The following SEMA3C variants were observed in gnomAD, a reference collection of about 807,000 sequenced individuals.
SEMA3C encodes the protein semaphorin-3C.
Under a neutral mutation model 89.4 loss-of-function variants are expected in SEMA3C, and 47 were observed. The observed-to-expected ratio is 0.53, with a 90% confidence interval of 0.42 to 0.67. The LOEUF (loss-of-function observed/expected upper bound fraction) is 0.67. SEMA3C is among the 30% of genes least tolerant of loss of function. The pLI is 0.00. For synonymous variants in SEMA3C, 310 were observed against 320.2 expected (o/e 0.97, Z 0.34); for missense variants, 839 against 929.1 (o/e 0.90, Z 1.26).
chr7:80,779,775 A>G (rs1788650997), intron 12 of SEMA3C, among the ~76,000 whole-genome samples: 1 of 152,106 alleles, frequency 6.6e-6, no homozygotes, highest in Non-Finnish European at 1.5e-5. Context: ...TATAAAAGTG[A>G]TGGTATGTCA....
At position 80,800,753 on chromosome 7, in the gene SEMA3C, T is replaced by C. The variant is rs185284867; in HGVS notation, c.986+4A>G. The C allele has an allele frequency of 1.5e-5, 23 of 1,510,526 alleles. 1 individual carries two copies. In the Admixed American group the frequency reaches 4.6e-4, roughly 30 times the overall value. The allele number at this position is 1,510,526 out of a possible 1,614,324, so 93.6% of individuals were successfully genotyped here. ...CTCATAAAATGTAACTGTTGAATAA[T>C]TACCTTGATGTTGTAAAAATGCCAT... On this transcript the variant is annotated splice_donor_region_variant and intron_variant, in intron 10 of 17. Coordinates refer to ENST00000265361, the MANE Select transcript of SEMA3C (RefSeq NM_006379.5).
chr7:80,760,015 A>G (rs551660751), intron 14 of SEMA3C, among the ~76,000 whole-genome samples: 4 of 152,332 alleles, frequency 2.6e-5, no homozygotes, highest in Non-Finnish European at 5.9e-5. Flanking sequence ...TACATGGAGT[A>G]AAAGAACAAA....
chr7:80,870,396 A>C (rs1049987704), intron 2 of SEMA3C, among the ~76,000 whole-genome samples: 3 of 152,320 alleles, frequency 2.0e-5, no homozygotes, highest in Admixed American at 6.5e-5. Context: ...CTTTTATCTA[A>C]AGCAAGATTT....
intron 2 of SEMA3C, among the ~76,000 whole-genome samples, chr7:80,874,122 T>C (rs1466542021): frequency 6.6e-6 from 1 of 152,206 alleles, no homozygotes; most frequent in African/African-American, 2.4e-5. Context: ...ATCAATGGTT[T>C]TGGAGCTTTT....
chr7:80,878,543 T>C (rs1205347947), intron 2 of SEMA3C, among the ~76,000 whole-genome samples: 3 of 152,160 alleles, frequency 2.0e-5, no homozygotes, highest in Non-Finnish European at 4.4e-5. Context: ...GGCACTGGGA[T>C]ACAGGACTGT....
chr7:80,807,093 T>C (rs528767119), intron 6 of SEMA3C, among the ~76,000 whole-genome samples: 2 of 152,278 alleles, frequency 1.3e-5, no homozygotes, highest in East Asian at 1.9e-4. Flanking sequence ...TTTACCATTT[T>C]AGCTTCTTTA....
intron 2 of SEMA3C, among the ~76,000 whole-genome samples, chr7:80,833,554 C>A (rs978761916): frequency 6.6e-6 from 1 of 152,040 alleles, no homozygotes; most frequent in Non-Finnish European, 1.5e-5. Flanking sequence ...CAACTTAAGA[C>A]CTTTCTGGTC....
In SEMA3C at chr7:80,810,711, A is replaced by G. The variant is rs887780432; in HGVS notation, c.448-10T>C. The G allele has an allele frequency of 6.2e-7, 1 of 1,602,694 alleles. No individual in the cohort carries two copies. The highest frequency in any genetic ancestry group is 8.5e-7 in the Non-Finnish European group (1 of 1,170,528). ...TCATGAAAACTTGGTCCTTTATTGT[A>G]GATAAAATTTAAAATGTGGCAATGA... On this transcript the variant is annotated splice_polypyrimidine_tract_variant and intron_variant, in intron 5 of 17. Transcript: ENST00000265361.
At chr7:80,882,619 G>A (rs539350885) in intron 2 of SEMA3C, among the ~76,000 whole-genome samples, 16 of 152,094 alleles carry the variant, frequency 1.1e-4, no homozygotes, top group African/African-American at 3.9e-4. Flanking sequence ...CTAGGGGCCA[G>A]ATGAGCACTG....
intron 2 of SEMA3C, among the ~76,000 whole-genome samples, chr7:80,838,873 T>C (rs1045186833): frequency 2.0e-5 from 3 of 152,142 alleles, no homozygotes; most frequent in Admixed American, 2.0e-4. Flanking sequence ...CCTTGACACG[T>C]GATGATTACA....
intron 2 of SEMA3C, among the ~76,000 whole-genome samples, chr7:80,860,322 A>G (rs1790741971): frequency 6.6e-6 from 1 of 152,072 alleles, no homozygotes; most frequent in African/African-American, 2.4e-5. Context: ...CTATTTTTGA[A>G]TTTCTGCCTT....
intron 2 of SEMA3C, among the ~76,000 whole-genome samples, chr7:80,879,093 C>T (rs981822988): frequency 6.6e-6 from 1 of 151,588 alleles, no homozygotes; most frequent in Non-Finnish European, 1.5e-5. Context: ...GGCCTGGAAA[C>T]CAATGAAGAG....
chr7:80,754,957 G>GTTTGTTTTTTTTTTT (rs1788025382), intron 15 of SEMA3C, among the ~76,000 whole-genome samples: 1 of 108,368 alleles, frequency 9.2e-6, no homozygotes, highest in Admixed American at 1.0e-4. Flanking sequence ...GTTTTTTTTT[G>GTTTGTTTTTTTTTTT]TTTTTTTTTT....
At chr7:80,820,059 T>A (rs1789707651) in intron 4 of SEMA3C, among the ~76,000 whole-genome samples, 1 of 149,016 alleles carries the variant, frequency 6.7e-6, no homozygotes, top group South Asian at 2.1e-4. Context: ...TGCTCCTTTT[T>A]TTTTTTTTTT....
chr7:80,864,727 G>T (rs561524336), intron 2 of SEMA3C, among the ~76,000 whole-genome samples: 1 of 152,240 alleles, frequency 6.6e-6, no homozygotes, highest in South Asian at 2.1e-4. Flanking sequence ...TATCACTCTA[G>T]ATTCTCCATC....
chr7:80,863,672 T>TATATATATATAC (rs575409973), intron 2 of SEMA3C, among the ~76,000 whole-genome samples: 2 of 143,522 alleles, frequency 1.4e-5, no homozygotes, highest in African/African-American at 5.6e-5. Flanking sequence ...TATATATATA[T>TATATATATATAC]ACACACATAT....
rs1205785049 is a variant in SEMA3C at position 80,748,829 on chromosome 7, C to T, written c.1842+69G>A. On this transcript the variant is annotated intron_variant, in intron 17 of 17. Coordinates refer to ENST00000265361, the MANE Select transcript of SEMA3C (RefSeq NM_006379.5). Reference sequence around the variant, plus strand: ...TTCCTTTTTCCTTTGATCTGAGCCTCGCTGAGGGACAGTGATTTAATGTTC... The same window carrying T: ...TTCCTTTTTCCTTTGATCTGAGCCTTGCTGAGGGACAGTGATTTAATGTTC... 35 of 1,464,448 alleles carry T rather than the reference C, an allele frequency of 2.4e-5. 1 individual carries two copies. The highest frequency in any genetic ancestry group is 2.9e-5 in the Non-Finnish European group (32 of 1,089,654). 90.7% of individuals were successfully genotyped at this position (1,464,448 alleles called of 1,614,324 possible). A position where few individuals can be genotyped will look rare whatever the true frequency, so the allele number is the denominator to read the frequency against.
At chr7:80,765,571 T>G (rs1037099607) in intron 12 of SEMA3C, among the ~76,000 whole-genome samples, 1 of 138,660 alleles carries the variant, frequency 7.2e-6, no homozygotes, top group Non-Finnish European at 1.5e-5. Context: ...TTTTTTGTTT[T>G]GTTTTGTTTT....
chr7:80,907,887 T>C (rs150876353), intron 2 of SEMA3C, among the ~76,000 whole-genome samples: 103 of 152,214 alleles, frequency 6.8e-4, no homozygotes, highest in South Asian at 2.1e-3. Flanking sequence ...CACCATACCA[T>C]ATCTAAACTT....
Sources: gnomAD v4.1 joint callset for allele counts (sites outside exome capture counted in the v4.1 genomes callset) on GRCh38, gnomAD v4.1.1 for gene constraint, MANE v1.5 for transcripts, NCBI Gene and HGNC (gene_info 2026-07-23, HGNC 2026-07-21) for gene names.